The following BPTF variants were observed in gnomAD, a reference collection of about 807,000 sequenced individuals.
BPTF encodes the protein bromodomain PHD finger transcription factor.
A neutral mutation model predicts 292.5 loss-of-function variants in BPTF; 18 were observed. That is an observed-to-expected ratio of 0.06 (90% CI 0.04 to 0.09). The LOEUF is 0.09. Ranked by LOEUF, BPTF falls within the 10% of genes least tolerant of loss-of-function variation. The pLI, the probability that BPTF is intolerant of heterozygous loss-of-function variation, is 1.00. For missense variants in BPTF, 2,726 were observed against 3,498.7 expected (o/e 0.78, Z 5.57); for synonymous variants, 1,225 against 1,251.9 (o/e 0.98, Z 0.45).
At chr17:67,827,404 GA>G (rs1200814880) in intron 1 of BPTF, among the ~76,000 whole-genome samples, 1 of 152,084 alleles carries the variant, frequency 6.6e-6, no homozygotes, top group Non-Finnish European at 1.5e-5. Flanking sequence ...TGCATTTGGT[GA>G]AACACCCCCG....
intron 27 of BPTF, among the ~76,000 whole-genome samples, chr17:67,979,614 T>C (rs1338029280): frequency 5.3e-5 from 8 of 152,234 alleles, no homozygotes; most frequent in Admixed American, 3.9e-4. Flanking sequence ...CATAGAATGA[T>C]ATAATTTTTA....
chr17:67,977,406 A>C (rs1175232010), intron 27 of BPTF, among the ~76,000 whole-genome samples: 1 of 152,032 alleles, frequency 6.6e-6, no homozygotes, highest in Non-Finnish European at 1.5e-5. Flanking sequence ...TCTCAGCTAC[A>C]CAGGAGGCTG....
chr17:67,943,263 T>C (rs1470100021), intron 19 of BPTF, among the ~76,000 whole-genome samples: 1 of 152,180 alleles, frequency 6.6e-6, no homozygotes, highest in Non-Finnish European at 1.5e-5. Flanking sequence ...AAATGTATTT[T>C]AGAAAAGCAA....
chr17:67,890,669 T>C (rs965985654), intron 4 of BPTF, among the ~76,000 whole-genome samples: 1 of 152,074 alleles, frequency 6.6e-6, no homozygotes, highest in East Asian at 1.9e-4. Context: ...AGGGCGGTGG[T>C]GAGGGAAGTA....
chr17:67,902,290 A>G (rs530557053), intron 7 of BPTF, among the ~76,000 whole-genome samples: 1 of 152,226 alleles, frequency 6.6e-6, no homozygotes, highest in African/African-American at 2.4e-5. Context: ...CTCAGTGAAA[A>G]TGGCCCAGTT....
At chr17:67,871,770 G>A (rs1248179452) in intron 3 of BPTF, among the ~76,000 whole-genome samples, 1 of 152,070 alleles carries the variant, frequency 6.6e-6, no homozygotes, top group African/African-American at 2.4e-5. Context: ...ATCCTTTAAT[G>A]TTTTTCTCTC....
chr17:67,854,320 G>T lies in BPTF; in HGVS notation c.994G>T (p.Val332Leu), dbSNP rs760712675. The T allele has an allele frequency of 1.2e-5, 20 of 1,614,078 alleles. No homozygotes were observed. In the East Asian group the frequency reaches 3.8e-4, roughly 31 times the overall value. ...DGMTWPEVLR[V>L]YCESDKEYHH... ...GATGACGTGGCCAGAGGTGCTGCGG[G>T]TGTACTGTGAGAGTGATAAGGAGTA... The change falls in exon 2 of 28, where the codon GTG (valine) becomes TTG (leucine). Residue 332 changes from valine to leucine, a missense_variant. Val to Leu is a conservative substitution (Grantham distance 32). Transcript: ENST00000306378. This position sits in a 1 kb window ranked among gnomAD's most constrained non-coding sequence, Gnocchi z 5.6.
At chr17:67,895,920 C>G (rs995453673) in intron 7 of BPTF, among the ~76,000 whole-genome samples, 1 of 150,864 alleles carries the variant, frequency 6.6e-6, no homozygotes, top group Admixed American at 6.6e-5. Context: ...AATATTATTT[C>G]ATAATGGTGA....
chr17:67,980,363 C>A (rs1453796824), intron 27 of BPTF, among the ~76,000 whole-genome samples: 1 of 151,966 alleles, frequency 6.6e-6, no homozygotes, highest in Non-Finnish European at 1.5e-5. Flanking sequence ...ATACATCTAC[C>A]CAGAGAACTG....
At chr17:67,886,368 CTT>C (rs11413151) in intron 4 of BPTF, 4 of 1,289,030 alleles carry the variant, frequency 3.1e-6, no homozygotes, top group Non-Finnish European at 4.1e-6. Context: ...TCTTTTTTTT[CTT>C]TTTTTTGTGT....
In BPTF at chr17:67,928,490, A is replaced by G; in HGVS notation, c.5887A>G (p.Lys1963Glu). ...AAGTGGCTCAGTTACAACTGGAACC[A>G]AAATGGTACTAACTACTAAAGTTGG... ...PISGSVTTGT[K>E]MVLTTKVGSP... Residue 1963 changes from lysine to glutamate, a missense_variant, in exon 16 of 28, where the codon AAA (lysine) becomes GAA (glutamate). Lys to Glu is a moderately conservative substitution (Grantham distance 56). Transcript: ENST00000306378. 6.2e-7 allele frequency: 1 copy of G among 1,614,206 alleles called. No individual in the cohort carries two copies. The highest frequency in any genetic ancestry group is 8.5e-7 in the Non-Finnish European group (1 of 1,180,022).
chr17:67,871,970 C>A (rs889890107), intron 3 of BPTF, among the ~76,000 whole-genome samples: 1 of 152,066 alleles, frequency 6.6e-6, no homozygotes, highest in Non-Finnish European at 1.5e-5. Context: ...GGATTACAGG[C>A]GTGTGCCACC....
intron 18 of BPTF, among the ~76,000 whole-genome samples, chr17:67,935,282 C>A (rs1409142071): frequency 6.6e-6 from 1 of 151,996 alleles, no homozygotes; most frequent in East Asian, 1.9e-4. Context: ...AAAAAATTAG[C>A]CAGGCGTGGT....
Position 67,946,292 on chromosome 17 carries a change from A to G in BPTF, c.7584A>G (p.Gln2528=), listed in dbSNP as rs782665716. Residue 2528 remains glutamine (Q), a synonymous_variant, in exon 21 of 28, where the codon CAA becomes CAG. Transcript: ENST00000306378. Reference sequence around the variant, plus strand: ...AAATTAAGCGTGAACACACCCTCCAAGCTTCTAATCAAAGTGAAATCATTC... The same window carrying G: ...AAATTAAGCGTGAACACACCCTCCAGGCTTCTAATCAAAGTGAAATCATTC... ...QIEIKREHTL[Q]ASNQSEIIQK... The G allele has an allele frequency of 1.9e-6, 3 of 1,613,916 alleles. No homozygotes were observed. Among genetic ancestry groups the G allele is most frequent in the Non-Finnish European group, 2.5e-6 (3 of 1,180,030 alleles).
chr17:67,974,601 C>A (rs916583410), intron 26 of BPTF: 2 of 152,246 alleles, frequency 1.3e-5, no homozygotes, highest in African/African-American at 4.8e-5. Flanking sequence ...ATCAGGGTTC[C>A]CACAAACCTC....
At chr17:67,893,309 T>G in intron 5 of BPTF, 61 bp from the exon 6 acceptor site, 1 of 989,752 alleles carries the variant, frequency 1.0e-6, no homozygotes, top group Non-Finnish European at 1.6e-6. Flanking sequence ...GACAGTTGAT[T>G]AGATGAAATT....
intron 10 of BPTF, among the ~76,000 whole-genome samples, chr17:67,910,503 T>A (rs1219952823): frequency 1.3e-5 from 2 of 152,096 alleles, no homozygotes; most frequent in Admixed American, 6.6e-5. Flanking sequence ...AGAGATACTT[T>A]AAAAAAATAT....
At chr17:67,876,960 T>C (rs2060087555) in intron 4 of BPTF, among the ~76,000 whole-genome samples, 1 of 152,234 alleles carries the variant, frequency 6.6e-6, no homozygotes, top group African/African-American at 2.4e-5. Flanking sequence ...GTTGGACAGC[T>C]GAAGATGCTG....
intron 4 of BPTF, chr17:67,886,334 C>A (rs995482514): frequency 1.3e-6 from 2 of 1,518,138 alleles, no homozygotes; most frequent in African/African-American, 1.4e-5. Context: ...TATACTTCAT[C>A]CATTCCTTTA....
Sources: allele counts gnomAD v4.1 joint callset (sites outside exome capture counted in the v4.1 genomes callset), GRCh38; gene constraint gnomAD v4.1.1; non-coding constraint Gnocchi (gnomAD v3.1); transcripts MANE v1.5; gene names NCBI Gene and HGNC (gene_info 2026-07-23, HGNC 2026-07-21).